The following ADGB variants were observed in gnomAD, a reference collection of about 807,000 sequenced individuals.
The protein encoded by ADGB is calpain-7-like protein.
Under a neutral mutation model 210.5 loss-of-function variants are expected in ADGB, and 172 were observed. That is an observed-to-expected ratio of 0.82 (90% confidence interval 0.72 to 0.93). The LOEUF is 0.93. ADGB is among the 40% of genes least tolerant of loss of function. The probability of loss-of-function intolerance (pLI) is 0.00; values close to 1 mark genes in which losing one functional copy is unlikely to be tolerated. For missense variants in ADGB, 2,025 were observed against 1,964.8 expected, an observed-to-expected ratio of 1.03 and a Z score of -0.58; for synonymous variants, 658 against 662.7, an observed-to-expected ratio of 0.99 and a Z score of 0.11.
intron 4 of ADGB, 82 bp downstream of exon 4, chr6:146,654,288 A>C: frequency 1.2e-6 from 1 of 856,688 alleles, no homozygotes; most frequent in Non-Finnish European, 1.8e-6. Flanking sequence ...AGTCGATTTC[A>C]ACTCTCCCTT....
chr6:146,660,636 T>A (rs1322714135), intron 5 of ADGB, among the ~76,000 whole-genome samples: 1 of 152,178 alleles, frequency 6.6e-6, no homozygotes, highest in Non-Finnish European at 1.5e-5. Flanking sequence ...ATATTGCTAA[T>A]TTGATATTGG....
chr6:146,705,818 T>C (rs1319497449), intron 13 of ADGB, among the ~76,000 whole-genome samples: 1 of 152,208 alleles, frequency 6.6e-6, no homozygotes, highest in African/African-American at 2.4e-5. Flanking sequence ...ATTCTCTCTT[T>C]GTCAGATTTT....
chr6:146,788,223 C>A (rs910799332), intron 32 of ADGB, among the ~76,000 whole-genome samples, 166 bp from the exon 33 acceptor site: 18 of 152,142 alleles, frequency 1.2e-4, no homozygotes, highest in African/African-American at 4.3e-4. Flanking sequence ...CCTGGGTCAG[C>A]CTTCTAGGGT....
chr6:146,664,113 A>G (rs1254076489), intron 5 of ADGB, 88 bp from the exon 6 acceptor site: 2 of 1,288,648 alleles, frequency 1.6e-6, no homozygotes, highest in Non-Finnish European at 2.1e-6. Context: ...GAAAACGGTA[A>G]ATAGTAATGT....
intron 1 of ADGB, among the ~76,000 whole-genome samples, chr6:146,612,151 A>G (rs559162887): frequency 5.3e-5 from 8 of 152,238 alleles, no homozygotes; most frequent in Non-Finnish European, 1.0e-4. Flanking sequence ...TCTCTTTCCC[A>G]TCTGCCTCCT....
chr6:146,645,615 T>A (rs1337996678), intron 3 of ADGB, among the ~76,000 whole-genome samples: 52 of 152,070 alleles, frequency 3.4e-4, no homozygotes, highest in Non-Finnish European at 1.2e-4. Flanking sequence ...GATTGTTCTG[T>A]ACATTTGTGG....
rs1237095035 is a variant in ADGB at position 146,736,564 on chromosome 6, T to C, written c.2861T>C (p.Leu954Ser). The C allele has an allele frequency of 5.8e-6, 9 of 1,549,300 alleles. No homozygotes were observed. Among genetic ancestry groups the C allele is most frequent in the Non-Finnish European group, 7.9e-6 (9 of 1,145,562 alleles). ...QKVWAVLEMN[L>S]EQYAVSLLRL... The stretch of plus-strand genomic sequence containing the variant: ...GTTTGGGCTGTATTGGAAATGAATT[T>C]AGAACAGTATGCAGTTTCTCTCTTA... Residue 954 changes from leucine to serine, a missense_variant, in exon 23 of 36, where the codon TTA becomes TCA. Physicochemically the swap from Leu to Ser is moderately radical, Grantham distance 145. Coordinates refer to ENST00000397944, the MANE Select transcript of ADGB (RefSeq NM_024694.4).
intron 35 of ADGB, among the ~76,000 whole-genome samples, chr6:146,804,893 T>G (rs1778188771): frequency 6.6e-6 from 1 of 152,204 alleles, no homozygotes; most frequent in African/African-American, 2.4e-5. Context: ...TTGCATCTAC[T>G]CAACATTACC....
At chr6:146,629,209 T>A (rs1781024419) in intron 1 of ADGB, among the ~76,000 whole-genome samples, 1 of 152,176 alleles carries the variant, frequency 6.6e-6, no homozygotes, top group Non-Finnish European at 1.5e-5. Flanking sequence ...ACTTAAAAGA[T>A]CCCAACTATA....
chr6:146,736,356 T>C, intron 22 of ADGB, 142 bp from the exon 23 acceptor site: 1 of 544,812 alleles, frequency 1.8e-6, no homozygotes. Context: ...TAAACCTGAG[T>C]TTTCTGCTAA....
At chr6:146,613,805 TGTC>T (rs1372088793) in intron 1 of ADGB, among the ~76,000 whole-genome samples, 1 of 152,108 alleles carries the variant, frequency 6.6e-6, no homozygotes, top group Non-Finnish European at 1.5e-5. Context: ...AAAATCATTT[TGTC>T]TTCTTTGCAA....
chr6:146,739,842 A>G (rs982877645), intron 23 of ADGB, among the ~76,000 whole-genome samples: 2 of 152,110 alleles, frequency 1.3e-5, no homozygotes, highest in Non-Finnish European at 2.9e-5. Context: ...CCATCACATC[A>G]TCACTCCCAT....
chr6:146,742,193 G>A (rs1052989938), intron 25 of ADGB, among the ~76,000 whole-genome samples: 6 of 151,958 alleles, frequency 3.9e-5, no homozygotes, highest in African/African-American at 9.6e-5. Flanking sequence ...TTAAATTTTC[G>A]ATGAAATTAC....
At chr6:146,607,397 C>T (rs6924895) in intron 1 of ADGB, among the ~76,000 whole-genome samples, 4,650 of 152,046 alleles carry the variant, frequency 0.031, 225 homozygotes, top group African/African-American at 0.1. Context: ...ATTTTTCTTG[C>T]CTGATTGCTC....
intron 5 of ADGB, among the ~76,000 whole-genome samples, chr6:146,663,694 CTTAT>C (rs1464621326): frequency 6.6e-6 from 1 of 151,828 alleles, no homozygotes; most frequent in Non-Finnish European, 1.5e-5. Context: ...TTGCATCTGG[CTTAT>C]TTCTCTGTGG....
chr6:146,729,090 C>T (rs1267808280), intron 20 of ADGB, among the ~76,000 whole-genome samples: 1 of 152,176 alleles, frequency 6.6e-6, no homozygotes, highest in East Asian at 1.9e-4. Context: ...TAGGTGGTTG[C>T]TCTCAAGGGC....
At chr6:146,741,702 A>G (rs1358880102) in intron 25 of ADGB, among the ~76,000 whole-genome samples, 1 of 152,090 alleles carries the variant, frequency 6.6e-6, no homozygotes, top group Admixed American at 6.6e-5. Flanking sequence ...AACCATCACC[A>G]CCTCATTTTG....
intron 3 of ADGB, among the ~76,000 whole-genome samples, chr6:146,653,777 T>C (rs564805089): frequency 2.0e-5 from 3 of 152,332 alleles, no homozygotes; most frequent in South Asian, 4.1e-4. Context: ...TGCATATATA[T>C]GTATTTTACT....
intron 33 of ADGB, among the ~76,000 whole-genome samples, chr6:146,799,996 G>A (rs1778102266): frequency 6.6e-6 from 1 of 152,080 alleles, no homozygotes; most frequent in South Asian, 2.1e-4. Context: ...TTTTTGTAGA[G>A]ATGGGGTTTC....
Sources: gnomAD v4.1 joint callset for allele counts (sites outside exome capture counted in the v4.1 genomes callset) on GRCh38, gnomAD v4.1.1 for gene constraint, MANE v1.5 for transcripts, NCBI Gene and HGNC (gene_info 2026-07-23, HGNC 2026-07-21) for gene names.